Variants in RABGAP1L observed in about 807,000 individuals in gnomAD.
The protein encoded by RABGAP1L is rab GTPase-activating protein 1-like.
Under a neutral mutation model 137.7 loss-of-function variants are expected in RABGAP1L, and 63 were observed. The ratio of observed to expected loss-of-function variants is 0.46; its 90% CI spans 0.37 to 0.56. The LOEUF is 0.56. RABGAP1L is among the 20% of genes least tolerant of loss of function. RABGAP1L has a pLI of 0.00. For synonymous variants in RABGAP1L, 431 were observed against 433.7 expected (o/e 0.99, Z 0.08); for missense variants, 1,095 against 1,244.0 (o/e 0.88, Z 1.80).
intron 14 of RABGAP1L, among the ~76,000 whole-genome samples, chr1:174,677,607 G>T (rs1291099661): frequency 9.2e-5 from 14 of 152,128 alleles, no homozygotes; most frequent in Non-Finnish European, 1.5e-4. Context: ...ATTTTTCTGA[G>T]GCTATAGCCT....
intron 19 of RABGAP1L, among the ~76,000 whole-genome samples, chr1:174,833,340 C>T (rs916919491): frequency 6.8e-6 from 1 of 147,776 alleles, no homozygotes; most frequent in African/African-American, 2.5e-5. Flanking sequence ...GCTGGGACTA[C>T]AGGCGCATGC....
At chr1:174,167,206 G>A (rs531986752) in intron 1 of RABGAP1L, among the ~76,000 whole-genome samples, 25 of 150,440 alleles carry the variant, frequency 1.7e-4, no homozygotes, top group African/African-American at 5.8e-4. Flanking sequence ...TTCTGTTAAA[G>A]TTTTTTCCCC....
intron 14 of RABGAP1L, among the ~76,000 whole-genome samples, chr1:174,655,962 T>A (rs1572702597): frequency 6.6e-6 from 1 of 152,238 alleles, no homozygotes; most frequent in Non-Finnish European, 1.5e-5. Flanking sequence ...TTTCCTTTAG[T>A]CAAAATATTA....
chr1:174,691,125 G>T (rs1010277392), intron 15 of RABGAP1L, among the ~76,000 whole-genome samples: 9 of 152,112 alleles, frequency 5.9e-5, no homozygotes, highest in Non-Finnish European at 4.4e-5. Flanking sequence ...ACCATGCCGG[G>T]CCCATTCATT....
At chr1:174,760,858 A>G (rs969035041) in intron 18 of RABGAP1L, among the ~76,000 whole-genome samples, 3 of 152,204 alleles carry the variant, frequency 2.0e-5, no homozygotes, top group Admixed American at 6.5e-5. Flanking sequence ...TTTTAATACT[A>G]TTAAAGCAGA....
intron 13 of RABGAP1L, among the ~76,000 whole-genome samples, chr1:174,439,748 CTT>C (rs111491079): frequency 2.4e-4 from 36 of 152,198 alleles, no homozygotes; most frequent in African/African-American, 7.9e-4. Context: ...TTGATAGACT[CTT>C]TTAGCTATTT....
At chr1:174,423,528 A>C (rs1255851112) in intron 13 of RABGAP1L, among the ~76,000 whole-genome samples, 1 of 152,186 alleles carries the variant, frequency 6.6e-6, no homozygotes, top group East Asian at 1.9e-4. Context: ...GTATACCTGC[A>C]TTTTGAATTA....
At chr1:174,474,558 C>T (rs1658283332) in intron 13 of RABGAP1L, among the ~76,000 whole-genome samples, 3 of 152,046 alleles carry the variant, frequency 2.0e-5, no homozygotes, top group African/African-American at 4.8e-5. Flanking sequence ...ACCTGTTGAC[C>T]ATGGTCATAA....
chr1:174,810,696 T>G (rs1224157487), intron 18 of RABGAP1L, among the ~76,000 whole-genome samples: 1 of 152,198 alleles, frequency 6.6e-6, no homozygotes, highest in East Asian at 1.9e-4. Context: ...CCTAAATCTA[T>G]AATATGTATC....
intron 12 of RABGAP1L, among the ~76,000 whole-genome samples, chr1:174,387,587 T>C (rs74128378): frequency 0.012 from 1,848 of 151,500 alleles, 48 homozygotes; most frequent in African/African-American, 0.043. Context: ...AGGAAGAACA[T>C]TGATTAACAG....
intron 19 of RABGAP1L, among the ~76,000 whole-genome samples, chr1:174,835,883 G>C (rs1212977680): frequency 6.6e-6 from 1 of 152,132 alleles, no homozygotes; most frequent in African/African-American, 2.4e-5. Context: ...CTTTCATGCT[G>C]TCTATCCCTT....
At chr1:174,243,315 A>C (rs897432021) in intron 5 of RABGAP1L, 1 of 152,200 alleles carries the variant, frequency 6.6e-6, no homozygotes, top group African/African-American at 2.4e-5. Context: ...TTTTGGATAT[A>C]GTATTAAATA....
chr1:174,176,741 A>AAAAAAAAATAAAAT lies in RABGAP1L; in HGVS notation c.-34+17089_-34+17090insAAATAAAATAAAAA, dbSNP rs755688394. Reference sequence around the variant, plus strand: ...AAAAAAAAAAAAAAAAAAAAAAAAAAAAAAAGGTCAACATTTGTTAATACT... The same window carrying AAAAAAAAATAAAAT: ...AAAAAAAAAAAAAAAAAAAAAAAAAAAAAAAAAATAAAATAAAAAGGTCAACATTTGTTAATACT... On this transcript the variant is annotated intron_variant, in intron 1 of 25. Coordinates refer to ENST00000681986, the MANE Select transcript of RABGAP1L (RefSeq NM_001366446.1). Among the ~76,000 whole-genome samples, 75 of 111,770 alleles carry AAAAAAAAATAAAAT rather than the reference A, an allele frequency of 6.7e-4. 3 individuals are homozygous for AAAAAAAAATAAAAT. Among genetic ancestry groups the AAAAAAAAATAAAAT allele is most frequent in the African/African-American group, 2.5e-3 (71 of 27,968 alleles). 73.3% of individuals were successfully genotyped at this position (111,770 alleles called of 152,430 possible).
intron 1 of RABGAP1L, among the ~76,000 whole-genome samples, chr1:174,170,357 C>T (rs1251006003): frequency 6.6e-6 from 1 of 152,068 alleles, no homozygotes; most frequent in Non-Finnish European, 1.5e-5. Context: ...GGTGAGGAAG[C>T]AGGATTAGAG....
intron 24 of RABGAP1L, among the ~76,000 whole-genome samples, chr1:174,987,134 C>A (rs1256359513): frequency 6.6e-6 from 1 of 151,878 alleles, no homozygotes; most frequent in Non-Finnish European, 1.5e-5. Context: ...AGGGATTTGG[C>A]CTGGAATGGC....
At chr1:174,160,248 T>A (rs1463090364) in intron 1 of RABGAP1L, among the ~76,000 whole-genome samples, 2 of 150,016 alleles carry the variant, frequency 1.3e-5, no homozygotes, top group Non-Finnish European at 3.0e-5. Flanking sequence ...AAAGTTGACC[T>A]CCTGAGCCAT....
At chr1:174,686,648 C>CTTTTTTTTTT (rs533716511) in intron 15 of RABGAP1L, among the ~76,000 whole-genome samples, 1 of 105,838 alleles carries the variant, frequency 9.4e-6, no homozygotes, top group Non-Finnish European at 2.1e-5. Flanking sequence ...ACAAAGCAAT[C>CTTTTTTTTTT]TTTTTTTTTT....
At chr1:174,421,723 A>G (rs960855581) in intron 13 of RABGAP1L, among the ~76,000 whole-genome samples, 11 of 152,272 alleles carry the variant, frequency 7.2e-5, no homozygotes, top group African/African-American at 2.6e-4. Context: ...TCTGGTCTTC[A>G]TACTGCCTGA....
At chr1:174,817,909 C>T (rs1036642652) in intron 19 of RABGAP1L, among the ~76,000 whole-genome samples, 5 of 152,106 alleles carry the variant, frequency 3.3e-5, no homozygotes, top group African/African-American at 1.2e-4. Context: ...TAAAGAGAGC[C>T]AGCGATAGCA....
Sources: gnomAD v4.1 joint callset for allele counts (sites outside exome capture counted in the v4.1 genomes callset) on GRCh38, gnomAD v4.1.1 for gene constraint, MANE v1.5 for transcripts, NCBI Gene and HGNC (gene_info 2026-07-23, HGNC 2026-07-21) for gene names.